SYN3: variants seen among roughly 807,000 people sequenced by gnomAD.
SYN3 encodes synapsin-3.
In SYN3, 35 loss-of-function variants were observed where a neutral mutation model predicts 65.8. The ratio of observed to expected loss-of-function variants is 0.53; its 90% confidence interval spans 0.41 to 0.70. The LOEUF is 0.70. Among genes scored for constraint, SYN3 ranks in the 30% least tolerant of loss-of-function variants. The pLI, the probability that SYN3 is intolerant of heterozygous loss-of-function variation, is 0.00. For synonymous variants in SYN3, 270 were observed against 292.9 expected, an observed-to-expected ratio of 0.92 and a Z score of 0.80; for missense variants, 680 against 749.0, an observed-to-expected ratio of 0.91 and a Z score of 1.08.
intron 8 of SYN3, among the ~76,000 whole-genome samples, chr22:32,540,141 G>A (rs144104812): frequency 4.3e-4 from 66 of 152,292 alleles, no homozygotes; most frequent in Middle Eastern, 3.4e-3. Context: ...CAACAGAGAC[G>A]ATATAGCCCG....
intron 1 of SYN3, among the ~76,000 whole-genome samples, chr22:33,044,613 T>C (rs28463147): frequency 2.6e-5 from 4 of 151,878 alleles, no homozygotes; most frequent in African/African-American, 4.8e-5. Flanking sequence ...CTCTGCCTGG[T>C]TGTCATTTCT....
chr22:32,772,149 C>A (rs1487939906), intron 6 of SYN3, among the ~76,000 whole-genome samples: 1 of 152,120 alleles, frequency 6.6e-6, no homozygotes, highest in Non-Finnish European at 1.5e-5. Flanking sequence ...TTCCCTCATT[C>A]TTTCTGTCCC....
chr22:32,523,619 C>T (rs1348541905), intron 12 of SYN3, among the ~76,000 whole-genome samples: 1 of 152,208 alleles, frequency 6.6e-6, no homozygotes, highest in African/African-American at 2.4e-5. Context: ...CTCTTCCTGT[C>T]CTTGGGCCTC....
chr22:32,989,835 C>CAAAAAAAAAA (rs112695934), intron 2 of SYN3, among the ~76,000 whole-genome samples: 1 of 88,156 alleles, frequency 1.1e-5, no homozygotes. Flanking sequence ...ACTCCATCTT[C>CAAAAAAAAAA]AAAAAAAAAA....
chr22:32,573,132 T>C (rs2058802286), intron 7 of SYN3, among the ~76,000 whole-genome samples: 1 of 152,202 alleles, frequency 6.6e-6, no homozygotes, highest in African/African-American at 2.4e-5. Flanking sequence ...CCCCCTGTTT[T>C]CCCCAGAGAG....
At position 32,832,730 on chromosome 22, in the gene SYN3, C is replaced by T. The variant is rs190250607; in HGVS notation, c.711+32185G>A. ...GATAATACTTAACATGAGATATACT[C>T]GCCCCTCTCTTTTTCTGAGACAGAG... On this transcript the variant is annotated intron_variant, in intron 6 of 13. Coordinates refer to ENST00000358763, the MANE Select transcript of SYN3 (RefSeq NM_003490.4). Among the ~76,000 whole-genome samples the T allele has an allele frequency of 1.1e-4, 16 of 151,566 alleles. No individual in the cohort carries two copies. In the East Asian group the frequency reaches 2.3e-3, roughly 22 times the overall value.
At chr22:32,700,563 C>T (rs2060797881) in intron 6 of SYN3, among the ~76,000 whole-genome samples, 1 of 152,124 alleles carries the variant, frequency 6.6e-6, no homozygotes. Context: ...AAAGGAGTCC[C>T]CAACAGCTAT....
intron 6 of SYN3, among the ~76,000 whole-genome samples, chr22:32,773,738 T>C (rs960968232): frequency 1.3e-5 from 2 of 152,164 alleles, no homozygotes; most frequent in African/African-American, 4.8e-5. Flanking sequence ...AAGAGGATCA[T>C]GGTCAAGTGA....
chr22:32,865,478 C>G (rs1317915483), intron 5 of SYN3, among the ~76,000 whole-genome samples: 2 of 152,200 alleles, frequency 1.3e-5, no homozygotes, highest in African/African-American at 4.8e-5. Flanking sequence ...GGTTTCTGAG[C>G]TTTCGTTTCT....
intron 4 of SYN3, among the ~76,000 whole-genome samples, chr22:32,879,663 T>C (rs952769311): frequency 3.3e-5 from 5 of 152,166 alleles, no homozygotes; most frequent in African/African-American, 7.2e-5. Flanking sequence ...ATTTCAACAT[T>C]TGAACTCTGA....
At chr22:32,692,687 A>G (rs1601924285) in intron 6 of SYN3, among the ~76,000 whole-genome samples, 1 of 152,282 alleles carries the variant, frequency 6.6e-6, no homozygotes, top group African/African-American at 2.4e-5. Context: ...GCTCTTCTGA[A>G]GCCTTTTCTA....
chr22:32,965,426 C>T (rs976179856), intron 3 of SYN3, among the ~76,000 whole-genome samples: 1 of 152,044 alleles, frequency 6.6e-6, no homozygotes, highest in Non-Finnish European at 1.5e-5. Flanking sequence ...GTATCTGGGT[C>T]CTTGGAGCAC....
At chr22:32,905,399 A>G (rs947586713) in intron 4 of SYN3, among the ~76,000 whole-genome samples, 3 of 152,208 alleles carry the variant, frequency 2.0e-5, no homozygotes, top group Admixed American at 2.0e-4. Flanking sequence ...CCCAGAGCAT[A>G]AGGCAAAGAG....
chr22:32,554,367 C>T (rs2058460602), intron 7 of SYN3, among the ~76,000 whole-genome samples: 2 of 152,066 alleles, frequency 1.3e-5, no homozygotes, highest in Non-Finnish European at 2.9e-5. Context: ...TACTGAAATC[C>T]CCTGGTTTAT....
At chr22:33,056,745 T>C (rs2054260151) in intron 1 of SYN3, among the ~76,000 whole-genome samples, 1 of 152,176 alleles carries the variant, frequency 6.6e-6, no homozygotes, top group African/African-American at 2.4e-5. Flanking sequence ...TTCATGAAGG[T>C]TGCTAATGTC....
intron 1 of SYN3, among the ~76,000 whole-genome samples, chr22:33,031,427 A>C (rs975218102): frequency 1.3e-5 from 2 of 151,798 alleles, no homozygotes; most frequent in African/African-American, 4.8e-5. Flanking sequence ...ACAGCCCCGG[A>C]ATCCATCTCC....
intron 7 of SYN3, among the ~76,000 whole-genome samples, chr22:32,563,364 A>G (rs743762): frequency 0.053 from 8,025 of 152,258 alleles, 410 homozygotes; most frequent in East Asian, 0.24. Context: ...TTCTGCATAA[A>G]CACAGTGTGG....
intron 4 of SYN3, among the ~76,000 whole-genome samples, chr22:32,905,556 T>C (rs1305736842): frequency 6.6e-6 from 1 of 152,250 alleles, no homozygotes; most frequent in East Asian, 1.9e-4. Flanking sequence ...GTGTTTTGCT[T>C]TCACACTGCA....
At chr22:32,959,935 C>G (rs1271309872) in intron 3 of SYN3, among the ~76,000 whole-genome samples, 5 of 152,188 alleles carry the variant, frequency 3.3e-5, no homozygotes, top group Non-Finnish European at 5.9e-5. Flanking sequence ...TCAGGACCTT[C>G]CAGCTACGCA....
Sources: allele counts gnomAD v4.1 joint callset (sites outside exome capture counted in the v4.1 genomes callset), GRCh38; gene constraint gnomAD v4.1.1; transcripts MANE v1.5; gene names NCBI Gene and HGNC (gene_info 2026-07-23, HGNC 2026-07-21).